The following GPR108 variants were observed in gnomAD, a reference collection of about 807,000 sequenced individuals.
GPR108 encodes the protein G protein-coupled receptor 108, also known as protein GPR108.
Under a neutral mutation model 74.3 loss-of-function variants are expected in GPR108, and 60 were observed. The observed-to-expected ratio is 0.81, with a 90% CI of 0.66 to 1.00. GPR108 has a LOEUF of 1.00. GPR108 is among the 50% of genes least tolerant of loss of function. The pLI is 0.00. For missense variants in GPR108, 667 were observed against 703.3 expected (o/e 0.95, Z 0.58); for synonymous variants, 311 against 292.4 (o/e 1.06, Z -0.65).
chr19:6,731,740 CG>C, intron 14 of GPR108, 150 bp downstream of exon 14: 6 of 955,318 alleles, frequency 6.3e-6, no homozygotes, highest in Admixed American at 2.6e-5. Context: ...TAAAGGCATT[CG>C]GGGGAAAGAG....
chr19:6,730,865 C>G (rs1968364585), intron 17 of GPR108, 122 bp downstream of exon 17: 3 of 1,113,966 alleles, frequency 2.7e-6, no homozygotes, highest in Non-Finnish European at 3.8e-6. Context: ...ACAGCAGGCT[C>G]TGCCCTAACA....
At position 6,737,451 on chromosome 19, in the gene GPR108, C is replaced by T. The variant is rs1484887236; in HGVS notation, c.120+6G>A. ...CGACCCCAGACCCTCGCGCGGCGGGCCTCACCGTCAGCGCCAGCTGGTGGA... is the reference window on the plus strand; with the variant it reads ...CGACCCCAGACCCTCGCGCGGCGGGTCTCACCGTCAGCGCCAGCTGGTGGA... On this transcript the variant is annotated splice_donor_region_variant and intron_variant, in intron 1 of 17. Coordinates refer to ENST00000264080, the MANE Select transcript of GPR108 (RefSeq NM_001080452.2). The T allele has an allele frequency of 1.9e-6, 3 of 1,586,194 alleles. No individual in the cohort carries two copies. The highest frequency in any genetic ancestry group is 1.7e-6 in the Non-Finnish European group (2 of 1,174,820).
rs770672647 is a variant in GPR108, at chr19:6,733,205, C to T, written c.820G>A (p.Ala274Thr). ...YMVMSACFLA[A>T]GIFWVSILCR... ...AGGATGGACACCCAGAAGATGCCAG[C>T]GGCCAGGAAGCAGGCGGACATGACC... The change falls in exon 9 of 18, where the codon GCT becomes ACT. Residue 274 changes from alanine to threonine, a missense_variant. Coordinates refer to ENST00000264080, the MANE Select transcript of GPR108 (RefSeq NM_001080452.2). The T allele has an allele frequency of 5.6e-6, 9 of 1,613,942 alleles. No homozygotes were observed. Among genetic ancestry groups the T allele is most frequent in the Admixed American group, 5.0e-5 (3 of 60,000 alleles).
chr19:6,734,325 T>G lies in GPR108; in HGVS notation c.375-18A>C, dbSNP rs774081751. Reference sequence around the variant, plus strand: ...CCTGGACCCTGGGGTGAGGGTGGGGTGGGGCATGAGGCTGGGGGGCTGAAC... The same window carrying G: ...CCTGGACCCTGGGGTGAGGGTGGGGGGGGGCATGAGGCTGGGGGGCTGAAC... On this transcript the variant is annotated intron_variant, in intron 4 of 17. Coordinates refer to ENST00000264080, the MANE Select transcript of GPR108 (RefSeq NM_001080452.2). The G allele has an allele frequency of 1.9e-6, 3 of 1,607,368 alleles. No homozygotes were observed. The highest frequency in any genetic ancestry group is 2.5e-6 in the Non-Finnish European group (3 of 1,176,930).
At chr19:6,733,465 T>C in intron 8 of GPR108, 105 bp downstream of exon 8, 1 of 1,358,014 alleles carries the variant, frequency 7.4e-7, no homozygotes, top group Non-Finnish European at 1.0e-6. Context: ...AGCTCCTACT[T>C]CGCACCCGGG....
chr19:6,735,326 T>C (rs537572415), intron 4 of GPR108: 207 of 300,084 alleles, frequency 6.9e-4, no homozygotes, highest in African/African-American at 1.8e-3. Flanking sequence ...GGATAAGGAA[T>C]GGGTGAGTTA....
chr19:6,730,885 G>T, intron 17 of GPR108, 102 bp downstream of exon 17: 1 of 1,238,344 alleles, frequency 8.1e-7, no homozygotes, highest in East Asian at 2.7e-5. Flanking sequence ...ACTGCCCCCA[G>T]GGCTGCTACA....
intron 15 of GPR108, 58 bp from the exon 16 acceptor site, chr19:6,731,340 G>T: frequency 6.6e-7 from 1 of 1,513,444 alleles, no homozygotes; most frequent in Non-Finnish European, 8.9e-7. Flanking sequence ...CAGGCATGGG[G>T]CTAGACTGCA....
chr19:6,731,883 G>C lies in GPR108; in HGVS notation c.1300+8C>G. The C allele has an allele frequency of 6.2e-7, 1 of 1,611,688 alleles. No individual in the cohort carries two copies. The highest frequency in any genetic ancestry group is 1.3e-5 in the African/African-American group (1 of 75,026). ...ATGAGCAGAGGGCCTGCAGGCGCAG[G>C]GCCTCACCCTTCCCGTCTGTGCCAG... On this transcript the variant is annotated splice_region_variant and intron_variant, in intron 14 of 17. Transcript: ENST00000264080.
rs1272878476 is a variant in GPR108, at chr19:6,732,293, C to T, written c.1095G>A (p.Lys365=). 1 of 1,612,910 alleles carries T rather than the reference C, an allele frequency of 6.2e-7. No individual in the cohort carries two copies. The highest frequency in any genetic ancestry group is 2.2e-5 in the East Asian group (1 of 44,888). Residue 365 remains lysine (K), a synonymous_variant, in exon 12 of 18, where the codon AAG becomes AAA. Coordinates refer to ENST00000264080, the MANE Select transcript of GPR108 (RefSeq NM_001080452.2). The part of the protein sequence containing the change: ...FIKYVLSDKE[K]KVFGIVIPMQ... ...TGGGGATCACGATCCCAAAGACCTTCTTCTCCTTATCCGACAGGACGTACT... is the reference window on the plus strand; with the variant it reads ...TGGGGATCACGATCCCAAAGACCTTTTTCTCCTTATCCGACAGGACGTACT...
At position 6,737,538 on chromosome 19, in the gene GPR108, G is replaced by C. The variant is rs747957154; in HGVS notation, c.39C>G (p.Ser13Arg). 7 of 1,552,012 alleles carry C rather than the reference G, an allele frequency of 4.5e-6. No homozygotes were observed. The highest frequency in any genetic ancestry group is 1.4e-5 in the African/African-American group (1 of 71,358). Residue 13 changes from serine (S) to arginine (R), a missense_variant, in exon 1 of 18, where the codon AGC (serine) becomes AGG (arginine). By Grantham distance (110) the Ser-to-Arg change is moderately radical. Transcript: ENST00000264080. Reference protein sequence around the residue: ...VSERRGLGRGSPAEWGQRLLL... With the variant: ...VSERRGLGRGRPAEWGQRLLL... ...GTAGCCGCTGCCCCCACTCCGCGGG[G>C]CTCCCGCGGCCGAGCCCCCTCCTCT...
intron 2 of GPR108, 83 bp from the exon 3 acceptor site, chr19:6,736,041 A>C (rs888430021): frequency 7.2e-6 from 9 of 1,246,762 alleles, no homozygotes; most frequent in Non-Finnish European, 1.0e-5. Context: ...ATAGAAACCT[A>C]ACCTCACATT....
chr19:6,733,091 G>A (rs1361703586), intron 9 of GPR108, 29 bp from the exon 10 acceptor site: 1 of 1,613,504 alleles, frequency 6.2e-7, no homozygotes, highest in East Asian at 2.2e-5. Context: ...AGAGATGGGG[G>A]TGCGGGGCAT....
chr19:6,735,626 G>C lies in GPR108; in HGVS notation c.370C>G (p.Leu124Val). ...AGCCCCCGGTCCCCAACTCACTGCA[G>C]ATCCTTGGTGTTGATGAGGAACAGG... ...LVLFLINTKD[L>V]QVQVRKYGEQ... The change falls in exon 4 of 18, where the codon CTG becomes GTG. Residue 124 changes from leucine (L) to valine (V), a missense_variant. Leu to Val is a conservative substitution (Grantham distance 32). Coordinates refer to ENST00000264080, the MANE Select transcript of GPR108 (RefSeq NM_001080452.2). 1 of 1,613,972 alleles carries C rather than the reference G, an allele frequency of 6.2e-7. No individual in the cohort carries two copies. Among genetic ancestry groups the C allele is most frequent in the Non-Finnish European group, 8.5e-7 (1 of 1,179,884 alleles).
Position 6,731,123 on chromosome 19 carries a change from G to A in GPR108, c.1435-12C>T. ...CCCTCCACCAAGAGCTGGGGGACGG[G>A]GCGGAGTGGGGGCGTCAGGCGCACC... On this transcript the variant is annotated splice_polypyrimidine_tract_variant and intron_variant, in intron 16 of 17. Coordinates refer to ENST00000264080, the MANE Select transcript of GPR108 (RefSeq NM_001080452.2). 1 of 1,612,558 alleles carries A rather than the reference G, an allele frequency of 6.2e-7. No homozygotes were observed. The highest frequency in any genetic ancestry group is 2.2e-5 in the East Asian group (1 of 44,804).
chr19:6,733,571 G>T lies in GPR108; in HGVS notation c.722C>A (p.Thr241Lys), dbSNP rs201134279. Residue 241 changes from threonine (T) to lysine (K), a missense_variant and splice_region_variant, in exon 8 of 18, where the codon ACG becomes AAG. Coordinates refer to ENST00000264080, the MANE Select transcript of GPR108 (RefSeq NM_001080452.2). ...VPGKEHPFDI[T>K]VMIREKNPDG... is the part of the protein sequence containing the mutation. Reference sequence around the variant, plus strand: ...CCTGCTGCCCTCCACTCCGCTCACCGTGATGTCGAATGGATGCTCCTTTCC... The same window carrying T: ...CCTGCTGCCCTCCACTCCGCTCACCTTGATGTCGAATGGATGCTCCTTTCC... 2.5e-6 allele frequency: 4 copies of T among 1,613,492 alleles called. No individual in the cohort carries two copies. In the Admixed American group the frequency reaches 6.7e-5, roughly 27 times the overall value.
intron 1 of GPR108, 120 bp downstream of exon 1, chr19:6,737,337 C>G (rs896765652): frequency 1.6e-6 from 2 of 1,264,366 alleles, no homozygotes; most frequent in Admixed American, 3.3e-5. Flanking sequence ...AAACGGGGGG[C>G]GCCGGACCAC....
At chr19:6,734,134 A>C in intron 5 of GPR108, 49 bp downstream of exon 5, 2 of 1,614,098 alleles carry the variant, frequency 1.2e-6, no homozygotes, top group Non-Finnish European at 1.7e-6. Context: ...GGGAGTGCAA[A>C]GGGCAGACCT....
At chr19:6,734,847 A>C (rs1325704159) in intron 4 of GPR108, among the ~76,000 whole-genome samples, 1 of 136,324 alleles carries the variant, frequency 7.3e-6, no homozygotes, top group Non-Finnish European at 1.6e-5. Flanking sequence ...GGCCAGCCCT[A>C]CATTATTATT....
Sources: allele counts gnomAD v4.1 joint callset (sites outside exome capture counted in the v4.1 genomes callset), GRCh38; gene constraint gnomAD v4.1.1; transcripts MANE v1.5; gene names NCBI Gene and HGNC (gene_info 2026-07-23, HGNC 2026-07-21).